DAB1: variants seen among roughly 807,000 people sequenced by gnomAD.
DAB1 encodes the protein DAB adaptor protein 1.
Under a neutral mutation model 64.6 loss-of-function variants are expected in DAB1, and 15 were observed. The ratio of observed to expected loss-of-function variants is 0.23; its 90% CI spans 0.16 to 0.36. DAB1 has a LOEUF of 0.36. DAB1 is among the 10% of genes least tolerant of loss of function. The pLI, the probability that DAB1 is intolerant of heterozygous loss-of-function variation, is 1.00. For synonymous variants in DAB1, 235 were observed against 251.9 expected, an observed-to-expected ratio of 0.93 and a Z score of 0.64; for missense variants, 596 against 706.7, an observed-to-expected ratio of 0.84 and a Z score of 1.78.
intron 6 of DAB1, among the ~76,000 whole-genome samples, chr1:57,740,688 T>C (rs78244801): frequency 0.12 from 18,688 of 152,138 alleles, 1,475 homozygotes; most frequent in East Asian, 0.41. Flanking sequence ...TATGTAAATA[T>C]AGAACTTAGA....
rs147916046 is a variant in DAB1, at chr1:58,091,146, C to T, written n.387+59365G>A. Among the ~76,000 whole-genome samples, 1,135 of 152,272 alleles carry T rather than the reference C, an allele frequency of 7.5e-3. 20 individuals carry two copies. The highest frequency in any genetic ancestry group is 0.024 in the African/African-American group (1,002 of 41,542). On this transcript the variant is annotated intron_variant and non_coding_transcript_variant, in intron 5 of 20. Transcript: ENST00000485760. The stretch of plus-strand genomic sequence containing the variant: ...GCTCCCCTGCAGGAGTTTCTAAATT[C>T]GGAGTGGGAGAGGAGGTTGTTCTGA...
chr1:57,041,532 C>T (rs1008220344), intron 9 of DAB1, among the ~76,000 whole-genome samples: 1 of 152,168 alleles, frequency 6.6e-6, no homozygotes, highest in Admixed American at 6.5e-5. Context: ...GCAAGAATTC[C>T]GTTTTTCTGT....
chr1:57,093,678 C>CACT (rs1433360578), intron 4 of DAB1, among the ~76,000 whole-genome samples: 1 of 152,112 alleles, frequency 6.6e-6, no homozygotes, highest in Non-Finnish European at 1.5e-5. Context: ...TGACTGTGGG[C>CACT]ACTACTTTCA....
intron 2 of DAB1, among the ~76,000 whole-genome samples, chr1:57,211,890 T>G (rs1052142755): frequency 1.3e-5 from 2 of 152,236 alleles, no homozygotes; most frequent in Non-Finnish European, 2.9e-5. Context: ...ATAAGTTGTG[T>G]GTAAATACTG....
At position 57,636,107 on chromosome 1, in the gene DAB1, A is replaced by AAAC. The variant is rs1032156766; in HGVS notation, n.625+13484_625+13485insGTT. ...GCGAGACACGGTCTCAAAAAAAAAAAAAAAAACAAAAACAAAAAACTGGTG... is the reference window on the plus strand; with the variant it reads ...GCGAGACACGGTCTCAAAAAAAAAAAAACAAAAAACAAAAACAAAAAACTGGTG... On this transcript the variant is annotated intron_variant and non_coding_transcript_variant, in intron 7 of 20. Coordinates refer to the DAB1 transcript ENST00000485760. Among the ~76,000 whole-genome samples the AAAC allele has an allele frequency of 7.4e-5, 11 of 149,628 alleles. 1 individual carries two copies. In the South Asian group the frequency reaches 1.3e-3, roughly 17 times the overall value.
At chr1:57,343,958 C>A (rs1809976) in intron 1 of DAB1, among the ~76,000 whole-genome samples, 81,896 of 152,188 alleles carry the variant, frequency 0.54, 22,801 homozygotes, top group Non-Finnish European at 0.58. Context: ...CTGCCAGCAC[C>A]CTGTCACCTC....
intron 4 of DAB1, among the ~76,000 whole-genome samples, chr1:58,289,029 A>G (rs1011262919): frequency 1.3e-5 from 2 of 152,178 alleles, no homozygotes; most frequent in East Asian, 1.9e-4. Flanking sequence ...CCACTTAGAC[A>G]TAATAATGCT....
intron 7 of DAB1, among the ~76,000 whole-genome samples, chr1:57,502,259 GTAGT>G (rs1181745555): frequency 2.8e-5 from 4 of 142,274 alleles, no homozygotes; most frequent in African/African-American, 1.0e-4. Flanking sequence ...GGCGGAGCTT[GTAGT>G]GAGCCGAGAT....
rs190380952 is a variant in DAB1 at position 58,312,256 on chromosome 1, A to G, written n.309+31096T>C. 9.2e-5 allele frequency among the ~76,000 whole-genome samples: 14 copies of G among 152,328 alleles called. No individual in the cohort carries two copies. The East Asian group carries it at 2.7e-3, about 29-fold the overall frequency. Reference sequence around the variant, plus strand: ...TTCCCAAAGGGATGGATTCTAATAAATGAAGGGTATTTAAAGGAAAAATGC... The same window carrying G: ...TTCCCAAAGGGATGGATTCTAATAAGTGAAGGGTATTTAAAGGAAAAATGC... On this transcript the variant is annotated intron_variant and non_coding_transcript_variant, in intron 4 of 20. Transcript: ENST00000485760.
intron 4 of DAB1, among the ~76,000 whole-genome samples, chr1:58,279,555 A>G (rs1244517310): frequency 6.6e-6 from 1 of 152,212 alleles, no homozygotes; most frequent in Non-Finnish European, 1.5e-5. Flanking sequence ...TTTGCAGATA[A>G]AGCAACTGAG....
At chr1:58,529,743 A>T (rs1352751433) in intron 1 of DAB1, among the ~76,000 whole-genome samples, 1 of 152,240 alleles carries the variant, frequency 6.6e-6, no homozygotes, top group Non-Finnish European at 1.5e-5. Flanking sequence ...AAAACAATTT[A>T]AAAAACTACA....
intron 7 of DAB1, among the ~76,000 whole-genome samples, chr1:57,617,911 C>T (rs921986220): frequency 2.6e-5 from 4 of 152,108 alleles, no homozygotes; most frequent in African/African-American, 9.7e-5. Flanking sequence ...CTGGTGATTT[C>T]CACACTTACA....
At chr1:57,595,060 A>G (rs559987872) in intron 7 of DAB1, among the ~76,000 whole-genome samples, 3 of 152,290 alleles carry the variant, frequency 2.0e-5, no homozygotes, top group African/African-American at 7.2e-5. Context: ...TACATGTTGA[A>G]TATAGCTGTT....
At position 58,400,184 on chromosome 1, in the gene DAB1, AACAG is replaced by A. The variant is rs911672910; in HGVS notation, n.258-56785_258-56782del. The stretch of plus-strand genomic sequence containing the variant: ...CCTTTCTCTGCATCTCGTTTCTCTC[AACAG>A]AAACCAGCTTTCCATACTTCCCAGT... On this transcript the variant is annotated intron_variant and non_coding_transcript_variant, in intron 3 of 20. Coordinates refer to the DAB1 transcript ENST00000485760. Among the ~76,000 whole-genome samples the A allele has an allele frequency of 5.9e-5, 9 of 151,338 alleles. No homozygotes were observed. The South Asian group carries it at 6.3e-4, about 11-fold the overall frequency.
intron 5 of DAB1, among the ~76,000 whole-genome samples, chr1:57,939,141 A>G (rs568557472): frequency 9.1e-4 from 139 of 152,196 alleles, no homozygotes; most frequent in African/African-American, 3.2e-3. Context: ...AGGGCCCTCT[A>G]TCTGGTTCAC....
intron 6 of DAB1, 90 bp from the exon 7 acceptor site, chr1:57,071,151 G>C (rs904997824): frequency 6.3e-6 from 8 of 1,277,582 alleles, no homozygotes; most frequent in Middle Eastern, 2.0e-4. Context: ...GGACAGTAAA[G>C]AAACCAGCTC....
At chr1:57,056,723 G>C (rs563613979) in intron 9 of DAB1, among the ~76,000 whole-genome samples, 1 of 151,966 alleles carries the variant, frequency 6.6e-6, no homozygotes, top group East Asian at 1.9e-4. Flanking sequence ...AATTAGCCAG[G>C]CGTAGTGGTG....
At chr1:58,432,426 T>C (rs1644889676) in intron 3 of DAB1, among the ~76,000 whole-genome samples, 1 of 152,150 alleles carries the variant, frequency 6.6e-6, no homozygotes, top group Admixed American at 6.5e-5. Context: ...TGACACAATG[T>C]CTCCTGACAC....
At chr1:58,046,018 A>T (rs1277719099) in intron 5 of DAB1, among the ~76,000 whole-genome samples, 1 of 151,606 alleles carries the variant, frequency 6.6e-6, no homozygotes. Flanking sequence ...TTATTAAATG[A>T]CCTTATTTAT....
Sources: gnomAD v4.1 joint callset for allele counts (sites outside exome capture counted in the v4.1 genomes callset) on GRCh38, gnomAD v4.1.1 for gene constraint, MANE v1.5 for transcripts, NCBI Gene and HGNC (gene_info 2026-07-23, HGNC 2026-07-21) for gene names.